Variants in PRPF18 observed in about 807,000 individuals in gnomAD.
PRPF18 encodes the protein pre-mRNA-splicing factor 18.
Under a neutral mutation model 46.5 loss-of-function variants are expected in PRPF18, and 38 were observed. The ratio of observed to expected loss-of-function variants is 0.82; its 90% CI spans 0.63 to 1.07. The LOEUF is 1.07. PRPF18 is among the 50% of genes least tolerant of loss of function. PRPF18 has a pLI of 0.00. For synonymous variants in PRPF18, 152 were observed against 146.7 expected (o/e 1.04, Z -0.26); for missense variants, 263 against 410.0 (o/e 0.64, Z 3.10).
At chr10:13,626,483 C>G (rs1386716811) in intron 9 of PRPF18, among the ~76,000 whole-genome samples, 1 of 151,992 alleles carries the variant, frequency 6.6e-6, no homozygotes, top group Admixed American at 6.5e-5. Flanking sequence ...TAAGGAAAAC[C>G]CTGAATATTG....
chr10:13,633,460 C>A (rs1000997262), downstream of PRPF18, among the ~76,000 whole-genome samples: 46 of 152,266 alleles, frequency 3.0e-4, no homozygotes, highest in African/African-American at 1.1e-3. Flanking sequence ...AATAATGTAT[C>A]CGGAAAGAAA....
At chr10:13,636,829 C>T in the PRPF18 span, among the ~76,000 whole-genome samples, 1 of 152,162 alleles carries the variant, frequency 6.6e-6, no homozygotes, top group Non-Finnish European at 1.5e-5. Flanking sequence ...ATCAGTTGTA[C>T]CCATTTAAAG....
chr10:13,619,797 A>G lies in PRPF18; in HGVS notation c.948+3244A>G, dbSNP rs573659888. On this transcript the variant is annotated intron_variant, in intron 9 of 9. Transcript: ENST00000378572. ...GTTACCTTGTAGGAATATGGTTCCA[A>G]TGTTGCTGGATCTTCCATGATTTTT... Among the ~76,000 whole-genome samples the G allele has an allele frequency of 5.9e-5, 9 of 152,088 alleles. No individual in the cohort carries two copies. The South Asian group carries it at 1.7e-3, about 28-fold the overall frequency.
In PRPF18 at chr10:13,587,903, T is replaced by C. The variant is rs560201258; in HGVS notation, c.66+751T>C. Among the ~76,000 whole-genome samples, 12 of 152,298 alleles carry C rather than the reference T, an allele frequency of 7.9e-5. No homozygotes were observed. The South Asian group carries it at 2.1e-3, about 26-fold the overall frequency. ...CCCGGGCAACTTACACTCACGGCCTTCTTTCCGGTAACCACTTGGGAGCCT... is the reference window on the plus strand; with the variant it reads ...CCCGGGCAACTTACACTCACGGCCTCCTTTCCGGTAACCACTTGGGAGCCT... On this transcript the variant is annotated intron_variant, in intron 1 of 9. Transcript: ENST00000378572.
At chr10:13,600,191 A>G (rs2080086096) in intron 2 of PRPF18, 53 bp from the exon 3 acceptor site, 3 of 1,376,238 alleles carry the variant, frequency 2.2e-6, no homozygotes, top group Admixed American at 2.1e-5. Flanking sequence ...GGAATGATAA[A>G]TATCAACTAT....
Position 13,605,655 on chromosome 10 carries a change from G to A in PRPF18, c.274G>A (p.Gly92Arg). The change falls in exon 4 of 10, where the codon GGA becomes AGA. Residue 92 changes from glycine to arginine, a missense_variant. Around this residue, in one of 4 missense-constraint regions of PRPF18, gnomAD observed 155 missense variants for 245.1 expected, o/e 0.63. Coordinates refer to ENST00000378572, the MANE Select transcript of PRPF18 (RefSeq NM_003675.4). The part of the protein sequence containing the change: ...QEVIRRLRER[G>R]EPIRLFGETD... ...GGTCATCAGAAGATTGAGAGAAAGA[G>A]GAGAACCAATCAGACTATTTGGAGA... The A allele has an allele frequency of 6.2e-7, 1 of 1,610,938 alleles. No homozygotes were observed. Among genetic ancestry groups the A allele is most frequent in the Non-Finnish European group, 8.5e-7 (1 of 1,178,888 alleles).
intron 8 of PRPF18, among the ~76,000 whole-genome samples, chr10:13,615,231 G>A (rs1235630488): frequency 6.6e-6 from 1 of 152,228 alleles, no homozygotes; most frequent in African/African-American, 2.4e-5. Flanking sequence ...TAGAATGGAT[G>A]CCTTTCCTCT....
intron 2 of PRPF18, among the ~76,000 whole-genome samples, chr10:13,599,864 C>T (rs1252981553): frequency 1.3e-5 from 2 of 152,094 alleles, no homozygotes; most frequent in Non-Finnish European, 2.9e-5. Context: ...ATCAAATAAC[C>T]CTGCAAGACA....
At chr10:13,636,868 T>C in the PRPF18 span, 1 of 152,214 alleles carries the variant, frequency 6.6e-6, no homozygotes, top group African/African-American at 2.4e-5. Context: ...ATATTCACAG[T>C]TACACAACCA....
At chr10:13,605,497 G>A (rs373510108) in intron 3 of PRPF18, 134 bp from the exon 4 acceptor site, 13 of 895,314 alleles carry the variant, frequency 1.5e-5, no homozygotes, top group Admixed American at 8.0e-5. Context: ...CAGGAGAATC[G>A]CTTGAACCTG....
chr10:13,610,291 TG>T, intron 5 of PRPF18, 106 bp downstream of exon 5: 1 of 1,247,924 alleles, frequency 8.0e-7, no homozygotes, highest in South Asian at 2.1e-5. Context: ...CTGTTGTCCT[TG>T]GTCTTTTGTT....
chr10:13,648,450 G>T, the PRPF18 span, among the ~76,000 whole-genome samples: 1 of 152,100 alleles, frequency 6.6e-6, no homozygotes, highest in African/African-American at 2.4e-5. Context: ...ACTCCACGTG[G>T]TCCTGGTGGT....
At chr10:13,619,170 T>A (rs1301123359) in intron 9 of PRPF18, among the ~76,000 whole-genome samples, 1 of 152,222 alleles carries the variant, frequency 6.6e-6, no homozygotes, top group Admixed American at 6.5e-5. Context: ...ACCTCTGCTG[T>A]GTGGCCCATT....
intron 3 of PRPF18, among the ~76,000 whole-genome samples, chr10:13,603,933 A>G (rs2080150162): frequency 6.6e-6 from 1 of 152,208 alleles, no homozygotes; most frequent in Non-Finnish European, 1.5e-5. Context: ...AAATCCAATG[A>G]AAGTAGCTCT....
In PRPF18 at chr10:13,613,882, G is replaced by A. The variant is rs2080304606; in HGVS notation, c.720+1G>A. The A allele has an allele frequency of 6.3e-7, 1 of 1,598,232 alleles. No homozygotes were observed. The highest frequency in any genetic ancestry group is 1.1e-5 in the South Asian group (1 of 87,140). ...ACTTTTTAGAAAGCTACGGAAAAGG[G>A]TGAGGTTTCTTGGAAAATACTTTTT... On this transcript the variant is annotated splice_donor_variant, in intron 7 of 9. Transcript: ENST00000378572. LOFTEE classifies it high-confidence loss of function.
At chr10:13,611,888 T>G (rs992951130) in intron 6 of PRPF18, among the ~76,000 whole-genome samples, 5 of 151,962 alleles carry the variant, frequency 3.3e-5, no homozygotes, top group African/African-American at 7.2e-5. Flanking sequence ...TGGCTTTTTT[T>G]TTTTTTTGGA....
chr10:13,589,559 T>C (rs1392871289), intron 1 of PRPF18, among the ~76,000 whole-genome samples: 1 of 152,228 alleles, frequency 6.6e-6, no homozygotes, highest in African/African-American at 2.4e-5. Context: ...GCTAAGGCTT[T>C]AGCAAATTTA....
chr10:13,637,496 A>G, the PRPF18 span, among the ~76,000 whole-genome samples: 16 of 152,182 alleles, frequency 1.1e-4, no homozygotes, highest in Admixed American at 4.6e-4. Context: ...CTCCTGTTCA[A>G]TGCTTACTTT....
chr10:13,650,328 G>A, the PRPF18 span, among the ~76,000 whole-genome samples: 4 of 152,158 alleles, frequency 2.6e-5, no homozygotes, highest in Non-Finnish European at 5.9e-5. Flanking sequence ...GCCCTCTAGA[G>A]GCATCCTGTC....
Sources: gnomAD v4.1 joint callset for allele counts (sites outside exome capture counted in the v4.1 genomes callset) on GRCh38, gnomAD v4.1.1 for gene constraint, gnomAD v4.1.1 regional missense constraint, MANE v1.5 for transcripts, NCBI Gene and HGNC (gene_info 2026-07-23, HGNC 2026-07-21) for gene names.